Variants in USP35 observed in about 807,000 individuals in gnomAD.
The protein encoded by USP35 is ubiquitin carboxyl-terminal hydrolase 35.
USP35 carries 69 observed loss-of-function variants against 83.8 expected under a neutral mutation model. The ratio of observed to expected loss-of-function variants is 0.82; its 90% CI spans 0.68 to 1.01. The LOEUF (loss-of-function observed/expected upper bound fraction) is 1.01, where lower values mean the gene tolerates loss of function less well. Ranked by LOEUF, USP35 falls within the 50% of genes least tolerant of loss-of-function variation. The pLI is 0.00. For synonymous variants in USP35, 714 were observed against 589.5 expected, an observed-to-expected ratio of 1.21 and a Z score of -3.06; for missense variants, 1,503 against 1,362.5, an observed-to-expected ratio of 1.10 and a Z score of -1.62.
Position 78,209,888 on chromosome 11 carries a change from AGAGG to A in USP35, c.2038_2041del (p.Glu680LysfsTer94). ...CAGAGCAGTCAGGAGGAAAGGATAG[AGAGG>A]GAGGAAGAAGGGAAGGAGGAGAGAA... On this transcript the variant is annotated frameshift_variant, in exon 10 of 11. Coordinates refer to ENST00000529308, the MANE Select transcript of USP35 (RefSeq NM_020798.4). LOFTEE classifies it high-confidence loss of function. 1.2e-6 allele frequency: 2 copies of A among 1,603,532 alleles called. No individual in the cohort carries two copies. The highest frequency in any genetic ancestry group is 1.7e-6 in the Non-Finnish European group (2 of 1,174,526).
At chr11:78,234,703 G>A in the USP35 span, among the ~76,000 whole-genome samples, 6 of 151,170 alleles carry the variant, frequency 4.0e-5, no homozygotes, top group East Asian at 1.9e-4. Flanking sequence ...ACAGGTTTTT[G>A]TCCTTTCACC....
chr11:78,199,807 G>A, intron 4 of USP35, 83 bp downstream of exon 4: 2 of 1,596,620 alleles, frequency 1.3e-6, no homozygotes, highest in Non-Finnish European at 1.7e-6. Flanking sequence ...GGAGGTCAGA[G>A]CATTGGGCCT....
the USP35 span, among the ~76,000 whole-genome samples, chr11:78,228,232 T>G: frequency 6.6e-6 from 1 of 152,208 alleles, no homozygotes; most frequent in Non-Finnish European, 1.5e-5. Flanking sequence ...AGGTTCTCTG[T>G]AAGTGCTTTG....
the USP35 span, among the ~76,000 whole-genome samples, chr11:78,223,882 A>T: frequency 6.6e-6 from 1 of 152,128 alleles, no homozygotes; most frequent in Non-Finnish European, 1.5e-5. Flanking sequence ...GGGGTTCGAG[A>T]CCAGCTTGGC....
chr11:78,196,383 G>C lies in USP35; in HGVS notation c.138G>C (p.Ala46=). 1 of 1,479,864 alleles carries C rather than the reference G, an allele frequency of 6.8e-7. No homozygotes were observed. Among genetic ancestry groups the C allele is most frequent in the Non-Finnish European group, 8.9e-7 (1 of 1,129,368 alleles). 91.7% of individuals were successfully genotyped at this position (1,479,864 alleles called of 1,614,324 possible). A position where few individuals can be genotyped will look rare whatever the true frequency, so the allele number is the denominator to read the frequency against. ...GCCTGGCGCTGCTGGCGCTGGGCGC[G>C]CGCCTCTACGTGGGCGGCGCGGAGG... is the stretch of plus-strand genomic sequence containing the variant. ...EQCLALLALG[A]RLYVGGAEEL... The change falls in exon 2 of 11, where the codon GCG becomes GCC. Residue 46 remains alanine, a synonymous_variant. Transcript: ENST00000529308. This position sits in a 1 kb window ranked among gnomAD's most constrained non-coding sequence, Gnocchi z 4.8.
chr11:78,210,156 C>T lies in USP35; in HGVS notation c.2301C>T (p.Tyr767=), dbSNP rs1863699892. 1 of 1,613,712 alleles carries T rather than the reference C, an allele frequency of 6.2e-7. No homozygotes were observed. Among genetic ancestry groups the T allele is most frequent in the Non-Finnish European group, 8.5e-7 (1 of 1,179,850 alleles). ...GSRSVLDLVN[Y]FLSPEKLTAE... is the part of the protein sequence containing the mutation. ...GCTCCGTCCTGGACCTGGTTAACTA[C>T]TTCCTGTCCCCCGAGAAGCTGACAG... is the stretch of plus-strand genomic sequence containing the variant. The change falls in exon 10 of 11, where the codon TAC becomes TAT. Residue 767 remains tyrosine, a synonymous_variant. Transcript: ENST00000529308.
chr11:78,231,146 AG>A, the USP35 span, among the ~76,000 whole-genome samples: 2 of 152,238 alleles, frequency 1.3e-5, no homozygotes, highest in African/African-American at 4.8e-5. Flanking sequence ...GAGTTGGAGC[AG>A]GAAGATACTC....
In USP35 at chr11:78,214,033, C is replaced by T. The variant is rs1472227034; in HGVS notation, c.*220C>T. On this transcript the variant is annotated 3_prime_UTR_variant, in exon 11 of 11. Coordinates refer to ENST00000529308, the MANE Select transcript of USP35 (RefSeq NM_020798.4). ...CCATTAAAACTTTACACCCAAGTGT[C>T]CTGGTTAACTTGAAGCAGCCGAGAT... The T allele has an allele frequency of 4.2e-6, 2 of 481,790 alleles. No homozygotes were observed. Among genetic ancestry groups the T allele is most frequent in the Non-Finnish European group, 6.8e-6 (2 of 292,822 alleles). The allele number at this position is 481,790 out of a possible 1,614,324, so 29.8% of individuals were successfully genotyped here.
At chr11:78,219,217 T>G (rs1005510814), downstream of USP35, 1 of 1,543,780 alleles carries the variant, frequency 6.5e-7, no homozygotes, top group Non-Finnish European at 8.9e-7. Flanking sequence ...AGAGGGGAGA[T>G]GGGAAGGGCC....
At chr11:78,222,245 C>CA in the USP35 span, 21 of 1,119,980 alleles carry the variant, frequency 1.9e-5, no homozygotes, top group Non-Finnish European at 2.7e-5. Flanking sequence ...GATAATGCTA[C>CA]ACATACACAC....
Position 78,196,517 on chromosome 11 carries a change from G to A in USP35, c.272G>A (p.Gly91Asp). Reference sequence around the variant, plus strand: ...CGTCGCGTGCTGCGCCTGCTGCAGGGTGGCGCCGGCCCCCCGGGCCCCCGC... The same window carrying A: ...CGTCGCGTGCTGCGCCTGCTGCAGGATGGCGCCGGCCCCCCGGGCCCCCGC... Reference protein sequence around the residue: ...SARRVLRLLQGGAGPPGPRAL... With the variant: ...SARRVLRLLQDGAGPPGPRAL... Residue 91 changes from glycine (G) to aspartate (D), a missense_variant, in exon 2 of 11, where the codon GGT becomes GAT. Transcript: ENST00000529308. This position sits in a 1 kb window ranked among gnomAD's most constrained non-coding sequence, Gnocchi z 4.8. The A allele has an allele frequency of 8.2e-7, 1 of 1,226,232 alleles. No homozygotes were observed. Among genetic ancestry groups the A allele is most frequent in the Non-Finnish European group, 1.0e-6 (1 of 976,796 alleles). The allele number at this position is 1,226,232 out of a possible 1,614,324, so 76.0% of individuals were successfully genotyped here.
At chr11:78,193,775 C>T (rs17136347) in intron 1 of USP35, among the ~76,000 whole-genome samples, 1 of 152,190 alleles carries the variant, frequency 6.6e-6, no homozygotes, top group Non-Finnish European at 1.5e-5. Context: ...AACCCAGAAT[C>T]GAACACATCA....
chr11:78,196,269 G>A lies in USP35; in HGVS notation c.24G>A (p.Val8=). Residue 8 remains valine, a synonymous_variant, in exon 2 of 11, where the codon GTG becomes GTA. Coordinates refer to ENST00000529308, the MANE Select transcript of USP35 (RefSeq NM_020798.4). This position sits in a 1 kb window ranked among gnomAD's most constrained non-coding sequence, Gnocchi z 4.8. MDKILEA[V]VTSSYPVSVK... The stretch of plus-strand genomic sequence containing the variant: ...CCATGGACAAGATCTTGGAGGCGGT[G>A]GTGACGTCGTCATACCCGGTCAGCG... 2 of 1,595,326 alleles carry A rather than the reference G, an allele frequency of 1.3e-6. No homozygotes were observed. The highest frequency in any genetic ancestry group is 1.7e-6 in the Non-Finnish European group (2 of 1,177,758).
chr11:78,222,071 C>T, the USP35 span: 1 of 1,424,874 alleles, frequency 7.0e-7, no homozygotes, highest in Admixed American at 1.7e-5. Flanking sequence ...AATGGCCCGA[C>T]TCCAAGCTCC....
At chr11:78,223,279 A>C in the USP35 span, 1 of 674,860 alleles carries the variant, frequency 1.5e-6, no homozygotes, top group South Asian at 3.1e-5. Flanking sequence ...CAGATAAGAA[A>C]ACTGAGACTC....
chr11:78,209,457 AGAG>A lies in USP35; in HGVS notation c.1606_1608del (p.Glu536del), dbSNP rs774951256. 9 of 1,604,022 alleles carry A rather than the reference AGAG, an allele frequency of 5.6e-6. No homozygotes were observed. Among genetic ancestry groups the A allele is most frequent in the South Asian group, 1.1e-5 (1 of 89,660 alleles). ...GTGCTCTCTGCCCCAGGCTGCACGA[AGAG>A]GAGAAAACGGGCACAAGGATCTGCC... On this transcript the variant is annotated inframe_deletion, in exon 10 of 11. Coordinates refer to ENST00000529308, the MANE Select transcript of USP35 (RefSeq NM_020798.4).
chr11:78,226,839 G>T, the USP35 span: 6 of 1,614,028 alleles, frequency 3.7e-6, no homozygotes, highest in East Asian at 1.1e-4. Flanking sequence ...GCTGCCCTTG[G>T]TGTGGCCATG....
chr11:78,210,190 C>T lies in USP35; in HGVS notation c.2335C>T (p.Arg779Cys), dbSNP rs201667893. 73 of 1,613,898 alleles carry T rather than the reference C, an allele frequency of 4.5e-5. No homozygotes were observed. The highest frequency in any genetic ancestry group is 2.0e-4 in the Admixed American group (12 of 59,996). ...CCCCGAGAAGCTGACAGCAGAAAAC[C>T]GCTACTACTGCGAGTCGTGTGCCTC... Reference protein sequence around the residue: ...LSPEKLTAENRYYCESCASLQ... With the variant: ...LSPEKLTAENCYYCESCASLQ... Residue 779 changes from arginine (R) to cysteine (C), a missense_variant, in exon 10 of 11, where the codon CGC becomes TGC. Arg to Cys is a radical substitution (Grantham distance 180). Transcript: ENST00000529308.
chr11:78,221,610 G>T, the USP35 span: 1 of 888,452 alleles, frequency 1.1e-6, no homozygotes, highest in Non-Finnish European at 1.8e-6. Context: ...GCTGGGAAGT[G>T]GGGAACTGAG....
Sources: allele counts gnomAD v4.1 joint callset (sites outside exome capture counted in the v4.1 genomes callset), GRCh38; gene constraint gnomAD v4.1.1; non-coding constraint Gnocchi (gnomAD v3.1); transcripts MANE v1.5; gene names NCBI Gene and HGNC (gene_info 2026-07-23, HGNC 2026-07-21).